RBFOX1: variants seen among roughly 807,000 people sequenced by gnomAD.
RBFOX1 encodes the protein RNA binding protein fox-1 homolog 1.
A neutral mutation model predicts 57.7 loss-of-function variants in RBFOX1; 8 were observed. The observed-to-expected ratio is 0.14, with a 90% CI of 0.08 to 0.25. RBFOX1 has a LOEUF of 0.25. RBFOX1 is among the 10% of genes least tolerant of loss of function. The probability of loss-of-function intolerance (pLI) is 1.00; values close to 1 mark genes in which losing one functional copy is unlikely to be tolerated. For synonymous variants in RBFOX1, 326 were observed against 222.4 expected, an observed-to-expected ratio of 1.47 and a Z score of -4.15; for missense variants, 611 against 548.5, an observed-to-expected ratio of 1.11 and a Z score of -1.14.
At chr16:7,260,148 C>A (rs561226898) in intron 4 of RBFOX1, among the ~76,000 whole-genome samples, 2 of 152,118 alleles carry the variant, frequency 1.3e-5, no homozygotes, top group African/African-American at 2.4e-5. Context: ...TAATGAATAA[C>A]ACTTTTATAC....
At chr16:6,847,661 A>G (rs762531403) in intron 3 of RBFOX1, among the ~76,000 whole-genome samples, 29 of 152,316 alleles carry the variant, frequency 1.9e-4, no homozygotes, top group Non-Finnish European at 3.7e-4. Flanking sequence ...CGACCACAGC[A>G]TAACTACAAG....
chr16:5,964,053 T>C (rs2059800322), intron 4 of RBFOX1, among the ~76,000 whole-genome samples: 1 of 152,138 alleles, frequency 6.6e-6, no homozygotes, highest in Non-Finnish European at 1.5e-5. Flanking sequence ...TACAACTCAG[T>C]AGCAAAAAGC....
chr16:6,511,879 C>G (rs1298892611), intron 2 of RBFOX1, among the ~76,000 whole-genome samples: 1 of 152,038 alleles, frequency 6.6e-6, no homozygotes, highest in Non-Finnish European at 1.5e-5. Flanking sequence ...GAAACCAGTG[C>G]CTGTGCAGCT....
chr16:5,992,139 A>G (rs538021428), intron 4 of RBFOX1, among the ~76,000 whole-genome samples: 1 of 152,298 alleles, frequency 6.6e-6, no homozygotes, highest in South Asian at 2.1e-4. Context: ...ATTTACCTTG[A>G]CATAAAATAT....
At chr16:6,430,674 G>T (rs1051538404) in intron 2 of RBFOX1, among the ~76,000 whole-genome samples, 2 of 152,098 alleles carry the variant, frequency 1.3e-5, no homozygotes, top group Non-Finnish European at 2.9e-5. Context: ...GGTCACATAG[G>T]CTTTGAATGC....
Position 7,582,774 on chromosome 16 carries a change from G to T in RBFOX1, c.414+2854G>T, listed in dbSNP as rs373605054. Among the ~76,000 whole-genome samples, 4 of 152,124 alleles carry T rather than the reference G, an allele frequency of 2.6e-5. No individual in the cohort carries two copies. The South Asian group carries it at 8.3e-4, about 32-fold the overall frequency. ...CCACTTTGACAGGGGTTTACAGTGAGGACAATTACAGAGAAAAACAGTCAC... is the reference window on the plus strand; with the variant it reads ...CCACTTTGACAGGGGTTTACAGTGATGACAATTACAGAGAAAAACAGTCAC... On this transcript the variant is annotated intron_variant, in intron 6 of 15. Transcript: ENST00000550418.
At chr16:6,779,939 A>T (rs866917144) in intron 3 of RBFOX1, among the ~76,000 whole-genome samples, 23 of 7,420 alleles carry the variant, frequency 3.1e-3, no homozygotes, top group African/African-American at 7.6e-3. Flanking sequence ...ATATATATTT[A>T]TATATATTTA....
intron 3 of RBFOX1, among the ~76,000 whole-genome samples, chr16:5,625,620 C>T (rs2048328184): frequency 6.6e-6 from 1 of 151,538 alleles, no homozygotes; most frequent in Admixed American, 6.6e-5. Flanking sequence ...TATGGTGGTG[C>T]AATCTTGGCT....
intron 3 of RBFOX1, among the ~76,000 whole-genome samples, chr16:5,774,566 A>G (rs2054085657): frequency 6.6e-6 from 1 of 152,220 alleles, no homozygotes; most frequent in South Asian, 2.1e-4. Context: ...ATCAATAGCT[A>G]AACATTTAGT....
At chr16:6,756,974 TCAAACAAACAGACAAACAAA>T (rs2075890806) in intron 3 of RBFOX1, among the ~76,000 whole-genome samples, 1 of 112,880 alleles carries the variant, frequency 8.9e-6, no homozygotes, top group South Asian at 3.6e-4. Flanking sequence ...AAACTCCATC[TCAAACAAACAGACAAACAAA>T]CAAACAAACA....
chr16:6,576,493 C>T (rs2097438838), intron 2 of RBFOX1, among the ~76,000 whole-genome samples: 1 of 152,156 alleles, frequency 6.6e-6, no homozygotes, highest in Admixed American at 6.6e-5. Context: ...CTGAACTGTT[C>T]ATTCTTCTAA....
intron 2 of RBFOX1, among the ~76,000 whole-genome samples, chr16:5,560,401 C>T (rs973204148): frequency 1.3e-5 from 2 of 152,144 alleles, no homozygotes; most frequent in Non-Finnish European, 2.9e-5. Flanking sequence ...GGAAGGATAA[C>T]CTGACTCCCC....
At chr16:6,895,246 A>T (rs576138796) in intron 3 of RBFOX1, among the ~76,000 whole-genome samples, 1 of 151,694 alleles carries the variant, frequency 6.6e-6, no homozygotes, top group Non-Finnish European at 1.5e-5. Context: ...TATATCCCAA[A>T]TGTATATCCC....
intron 3 of RBFOX1, among the ~76,000 whole-genome samples, chr16:5,819,633 C>G (rs542518115): frequency 6.6e-6 from 1 of 152,236 alleles, no homozygotes; most frequent in Non-Finnish European, 1.5e-5. Context: ...CGCTGGACTA[C>G]TTGACATTTC....
chr16:6,609,745 C>G (rs986038633), intron 2 of RBFOX1, among the ~76,000 whole-genome samples: 1 of 152,120 alleles, frequency 6.6e-6, no homozygotes, highest in African/African-American at 2.4e-5. Flanking sequence ...CATGGTGAAT[C>G]AGGCCTGTAA....
chr16:7,264,939 A>G (rs1262383317), intron 4 of RBFOX1, among the ~76,000 whole-genome samples: 1 of 152,174 alleles, frequency 6.6e-6, no homozygotes, highest in African/African-American at 2.4e-5. Context: ...AGAGTCCAAC[A>G]CTTTCCATCT....
At chr16:6,816,311 TCAATCATTCAGTCAA>T (rs2090055545) in intron 3 of RBFOX1, among the ~76,000 whole-genome samples, 1 of 152,138 alleles carries the variant, frequency 6.6e-6, no homozygotes, top group African/African-American at 2.4e-5. Context: ...CTTGTTGCAA[TCAATCATTCAGTCAA>T]CAATCATTGT....
chr16:5,562,538 G>C (rs910695337), intron 2 of RBFOX1, among the ~76,000 whole-genome samples: 5 of 152,074 alleles, frequency 3.3e-5, no homozygotes, highest in Admixed American at 1.3e-4. Context: ...AGACCCCAGG[G>C]GTTGGTCTTG....
intron 3 of RBFOX1, among the ~76,000 whole-genome samples, chr16:5,638,204 G>C (rs952780408): frequency 6.6e-6 from 1 of 152,212 alleles, no homozygotes; most frequent in Admixed American, 6.5e-5. Flanking sequence ...TCATTTTGTA[G>C]CTAAGAAGAG....
Sources: gnomAD v4.1 joint callset for allele counts (sites outside exome capture counted in the v4.1 genomes callset) on GRCh38, gnomAD v4.1.1 for gene constraint, MANE v1.5 for transcripts, NCBI Gene and HGNC (gene_info 2026-07-23, HGNC 2026-07-21) for gene names.